The following OCA2 variants were observed in gnomAD, a reference collection of about 807,000 sequenced individuals.
OCA2 encodes OCA2 melanosomal transmembrane protein.
Under a neutral mutation model 100.2 loss-of-function variants are expected in OCA2, and 77 were observed. The ratio of observed to expected loss-of-function variants is 0.77; its 90% CI spans 0.64 to 0.93. The LOEUF (loss-of-function observed/expected upper bound fraction) is 0.93, where lower values mean the gene tolerates loss of function less well. Among genes scored for constraint, OCA2 ranks in the 40% least tolerant of loss-of-function variants. The probability of loss-of-function intolerance (pLI) is 0.00; values close to 1 mark genes in which losing one functional copy is unlikely to be tolerated. For missense variants in OCA2, 1,062 were observed against 1,089.1 expected (o/e 0.98, Z 0.35); for synonymous variants, 432 against 439.2 (o/e 0.98, Z 0.21).
At chr15:27,872,998 A>G (rs1317063852) in intron 19 of OCA2, among the ~76,000 whole-genome samples, 2 of 152,288 alleles carry the variant, frequency 1.3e-5, no homozygotes, top group African/African-American at 4.8e-5. Context: ...CAGCTTGTCC[A>G]AGTTTAAATT....
At chr15:27,928,998 A>C (rs2039147955) in intron 18 of OCA2, among the ~76,000 whole-genome samples, 1 of 152,214 alleles carries the variant, frequency 6.6e-6, no homozygotes, top group Non-Finnish European at 1.5e-5. Flanking sequence ...GTACGAATTA[A>C]TTTGGGGAAA....
At chr15:27,935,910 C>T (rs2039433976) in intron 18 of OCA2, among the ~76,000 whole-genome samples, 1 of 152,196 alleles carries the variant, frequency 6.6e-6, no homozygotes, top group African/African-American at 2.4e-5. Context: ...TTAAGATGAA[C>T]TAACCTATGT....
intron 13 of OCA2, 21 bp downstream of exon 13, chr15:27,985,043 C>T (rs753373398): frequency 7.4e-6 from 12 of 1,613,396 alleles, no homozygotes; most frequent in Admixed American, 6.7e-5. Context: ...GCAACTCCCA[C>T]GGCAGAGGTG....
intron 2 of OCA2, among the ~76,000 whole-genome samples, chr15:28,032,951 T>C (rs1404536574): frequency 1.3e-5 from 2 of 151,856 alleles, no homozygotes; most frequent in South Asian, 2.1e-4. Context: ...GACCAAGGGG[T>C]TGGAATGAGA....
Position 27,989,757 on chromosome 15 carries a change from C to G in OCA2, c.1117-91G>C, listed in dbSNP as rs1490873778. 13 of 1,165,060 alleles carry G rather than the reference C, an allele frequency of 1.1e-5. No homozygotes were observed. The South Asian group carries it at 1.7e-4, about 15-fold the overall frequency. 72.2% of individuals were successfully genotyped at this position (1,165,060 alleles called of 1,614,324 possible). A position where few individuals can be genotyped will look rare whatever the true frequency, so the allele number is the denominator to read the frequency against. Reference sequence around the variant, plus strand: ...AGCGCTGCCCCCTGCTGCAGACCCACTCAGTGGGCGGGCCAGGGTTGGAAA... The same window carrying G: ...AGCGCTGCCCCCTGCTGCAGACCCAGTCAGTGGGCGGGCCAGGGTTGGAAA... On this transcript the variant is annotated intron_variant, in intron 10 of 23. Transcript: ENST00000354638.
chr15:27,977,730 T>C (rs147065348), intron 14 of OCA2, among the ~76,000 whole-genome samples: 1,720 of 152,278 alleles, frequency 0.011, 26 homozygotes, highest in Admixed American at 0.04. Flanking sequence ...TTGGAGGTGA[T>C]AGGGCTTAGA....
At chr15:27,871,573 G>T (rs1261644235) in intron 20 of OCA2, among the ~76,000 whole-genome samples, 1 of 152,220 alleles carries the variant, frequency 6.6e-6, no homozygotes, top group African/African-American at 2.4e-5. Flanking sequence ...AGACCCCTGG[G>T]GCTGGGGCGC....
intron 21 of OCA2, among the ~76,000 whole-genome samples, chr15:27,870,826 A>G (rs551443079): frequency 4.0e-5 from 6 of 150,570 alleles, no homozygotes; most frequent in African/African-American, 1.5e-4. Flanking sequence ...GAGAGAAAGA[A>G]AGAAAGAGAA....
chr15:27,956,807 C>A (rs1453674495), intron 16 of OCA2, among the ~76,000 whole-genome samples: 1 of 152,224 alleles, frequency 6.6e-6, no homozygotes, highest in African/African-American at 2.4e-5. Context: ...CATGTGACTG[C>A]CTGTGAATCC....
At chr15:27,752,777 G>C (rs1322916216), downstream of OCA2, among the ~76,000 whole-genome samples, 1 of 120,360 alleles carries the variant, frequency 8.3e-6, no homozygotes, top group African/African-American at 3.5e-5. Flanking sequence ...ACAGCTCCCT[G>C]CATCTCCAGG....
intron 23 of OCA2, among the ~76,000 whole-genome samples, chr15:27,763,899 C>G (rs1401724003): frequency 3.3e-5 from 5 of 152,190 alleles, no homozygotes; most frequent in Non-Finnish European, 5.9e-5. Flanking sequence ...ATTCACTGAG[C>G]TTCAGGAGAG....
chr15:27,970,446 TG>T (rs1410746326), intron 14 of OCA2, among the ~76,000 whole-genome samples: 1 of 152,104 alleles, frequency 6.6e-6, no homozygotes, highest in Non-Finnish European at 1.5e-5. Context: ...ACATGCAGCA[TG>T]GCAGGAACGC....
chr15:27,814,464 C>CTGATGATGATCCCA (rs1294981427), intron 23 of OCA2, among the ~76,000 whole-genome samples: 1 of 152,202 alleles, frequency 6.6e-6, no homozygotes, highest in Admixed American at 6.5e-5. Context: ...CAATCATCCA[C>CTGATGATGATCCCA]TGAATAGTCA....
intron 19 of OCA2, among the ~76,000 whole-genome samples, chr15:27,925,307 C>T (rs910243632): frequency 2.6e-5 from 4 of 152,056 alleles, no homozygotes; most frequent in Non-Finnish European, 4.4e-5. Context: ...GAATATTCTC[C>T]AAGACAGATC....
chr15:27,997,555 G>A (rs2041790624), intron 9 of OCA2, among the ~76,000 whole-genome samples: 2 of 151,974 alleles, frequency 1.3e-5, no homozygotes, highest in African/African-American at 2.4e-5. Flanking sequence ...TTTGGTACCA[G>A]TACCATGCTG....
intron 9 of OCA2, 108 bp from the exon 10 acceptor site, chr15:27,990,755 T>C (rs1275271878): frequency 2.2e-6 from 2 of 921,508 alleles, no homozygotes; most frequent in Admixed American, 1.8e-5. Context: ...GTGTACCACA[T>C]CTATTCAAAT....
intron 1 of OCA2, among the ~76,000 whole-genome samples, chr15:28,094,072 G>A (rs182033932): frequency 6.6e-6 from 1 of 152,168 alleles, no homozygotes; most frequent in Non-Finnish European, 1.5e-5. Context: ...GTCCCACCTG[G>A]TCATCGCCTC....
chr15:27,748,855 C>G, the OCA2 span, among the ~76,000 whole-genome samples: 2 of 151,870 alleles, frequency 1.3e-5, no homozygotes, highest in Admixed American at 1.3e-4. Context: ...AAAATACTTG[C>G]TGAATGTGTT....
At position 27,772,429 on chromosome 15, in the gene OCA2, T is replaced by C. The variant is rs185220156; in HGVS notation, c.2433-16957A>G. Among the ~76,000 whole-genome samples the C allele has an allele frequency of 2.0e-3, 302 of 152,304 alleles. 6 individuals are homozygous for C. The highest frequency in any genetic ancestry group is 4.6e-3 in the South Asian group (22 of 4,824). ...ATTCTGGTCAAAGACTGGAAAATAA[T>C]TGAAGAAATGTTGGAAAATATCCAG... On this transcript the variant is annotated intron_variant, in intron 23 of 23. Transcript: ENST00000354638.
Sources: allele counts gnomAD v4.1 joint callset (sites outside exome capture counted in the v4.1 genomes callset), GRCh38; gene constraint gnomAD v4.1.1; transcripts MANE v1.5; gene names NCBI Gene and HGNC (gene_info 2026-07-23, HGNC 2026-07-21).